Variants in ARIH1 observed in about 807,000 individuals in gnomAD.
The protein encoded by ARIH1 is E3 ubiquitin-protein ligase ARIH1.
A neutral mutation model predicts 85.0 loss-of-function variants in ARIH1; 8 were observed. The ratio of observed to expected loss-of-function variants is 0.09; its 90% CI spans 0.06 to 0.17. ARIH1 has a LOEUF of 0.17. Ranked by LOEUF, ARIH1 falls within the 10% of genes least tolerant of loss-of-function variation. The pLI is 1.00. For synonymous variants in ARIH1, 238 were observed against 253.6 expected (o/e 0.94, Z 0.59); for missense variants, 311 against 718.1 (o/e 0.43, Z 6.48).
At chr15:72,542,321 C>T (rs1215483666) in intron 2 of ARIH1, among the ~76,000 whole-genome samples, 1 of 152,042 alleles carries the variant, frequency 6.6e-6, no homozygotes, top group Non-Finnish European at 1.5e-5. Flanking sequence ...GGTTGAAAGA[C>T]AAGAAAGAAA....
At chr15:72,562,522 T>TC in intron 6 of ARIH1, among the ~76,000 whole-genome samples, 1 of 152,124 alleles carries the variant, frequency 6.6e-6, no homozygotes, top group East Asian at 1.9e-4. Context: ...TGTTTTTTTT[T>TC]CATAATACTA....
At chr15:72,522,632 A>T (rs1213554669) in intron 2 of ARIH1, among the ~76,000 whole-genome samples, 1 of 152,244 alleles carries the variant, frequency 6.6e-6, no homozygotes, top group African/African-American at 2.4e-5. Context: ...GGTATTTAAG[A>T]TAAAATTAGA....
intron 1 of ARIH1, among the ~76,000 whole-genome samples, chr15:72,490,852 T>C (rs914127495): frequency 2.0e-5 from 3 of 152,158 alleles, no homozygotes; most frequent in Non-Finnish European, 4.4e-5. Context: ...AAAGATTTGC[T>C]CACACCTGTA....
At chr15:72,515,032 G>A (rs1206270703) in intron 1 of ARIH1, among the ~76,000 whole-genome samples, 1 of 151,926 alleles carries the variant, frequency 6.6e-6, no homozygotes, top group Non-Finnish European at 1.5e-5. Flanking sequence ...GTTTTAAGGT[G>A]TTCTTTTTTT....
At chr15:72,570,107 G>T in intron 9 of ARIH1, 70 bp from the exon 10 acceptor site, 1 of 1,545,982 alleles carries the variant, frequency 6.5e-7, no homozygotes, top group Non-Finnish European at 8.8e-7. Flanking sequence ...ATCTAGAACT[G>T]GCTTTTCCTT....
chr15:72,482,289 T>C (rs2063819631), intron 1 of ARIH1, among the ~76,000 whole-genome samples: 2 of 152,232 alleles, frequency 1.3e-5, no homozygotes, highest in African/African-American at 4.8e-5. Context: ...TGGATAGATA[T>C]AAAGTCCTGT....
intron 1 of ARIH1, among the ~76,000 whole-genome samples, chr15:72,503,557 C>T (rs957278304): frequency 1.3e-5 from 2 of 152,176 alleles, no homozygotes; most frequent in South Asian, 2.1e-4. Context: ...CATTCTTTCC[C>T]GTAACTAAGC....
chr15:72,572,883 A>C (rs150453060), intron 11 of ARIH1, among the ~76,000 whole-genome samples: 21 of 152,344 alleles, frequency 1.4e-4, no homozygotes, highest in African/African-American at 5.1e-4. Context: ...TCAGGAACTG[A>C]GAAATTCCCT....
intron 6 of ARIH1, among the ~76,000 whole-genome samples, chr15:72,562,892 TC>T (rs1442100080): frequency 6.1e-5 from 4 of 65,880 alleles, no homozygotes; most frequent in Admixed American, 5.1e-4. Context: ...GGATCAGTCA[TC>T]TTTAAAAAAA....
At chr15:72,499,090 C>T (rs2140400768) in intron 1 of ARIH1, among the ~76,000 whole-genome samples, 1 of 148,974 alleles carries the variant, frequency 6.7e-6, no homozygotes, top group Non-Finnish European at 1.5e-5. Context: ...AAGCCATTCT[C>T]CCGCCTCATC....
intron 1 of ARIH1, among the ~76,000 whole-genome samples, chr15:72,505,083 G>A (rs941200457): frequency 6.6e-6 from 1 of 152,172 alleles, no homozygotes; most frequent in Non-Finnish European, 1.5e-5. Context: ...ACTTCCTGTA[G>A]CTTATATCAG....
At chr15:72,579,437 G>GGTATGTA (rs1431039458) in intron 11 of ARIH1, among the ~76,000 whole-genome samples, 2 of 152,154 alleles carry the variant, frequency 1.3e-5, no homozygotes, top group African/African-American at 4.8e-5. Context: ...GGAGTTACAT[G>GGTATGTA]GTATGTAGTT....
rs879917826 is a variant in ARIH1, at chr15:72,579,376, G to A, written c.1216-1355G>A. 5.3e-5 allele frequency among the ~76,000 whole-genome samples: 8 copies of A among 152,216 alleles called. No homozygotes were observed. The East Asian group carries it at 5.8e-4, about 11-fold the overall frequency. On this transcript the variant is annotated intron_variant, in intron 11 of 13. Coordinates refer to ENST00000379887, the MANE Select transcript of ARIH1 (RefSeq NM_005744.5). ...GATCAAATTCAGATTCAGTGGTTGG[G>A]GGGGGAGCCCAGAATACTTAATTGA... is the stretch of plus-strand genomic sequence containing the variant.
chr15:72,519,704 G>A (rs2063991132), intron 2 of ARIH1, among the ~76,000 whole-genome samples: 1 of 151,524 alleles, frequency 6.6e-6, no homozygotes, highest in Admixed American at 6.6e-5. Context: ...GGCTGGTCTC[G>A]AACTCCCAAC....
Position 72,588,040 on chromosome 15 carries a change from A to G in ARIH1, c.*4748A>G, listed in dbSNP as rs780485909. On this transcript the variant is annotated 3_prime_UTR_variant, in exon 14 of 14. Transcript: ENST00000379887. ...CAGTTAAAGTTTGTATATCAGTCAC[A>G]CATTGATATGTAGCAGCTCTATCAA... 1 of 152,236 alleles carries G rather than the reference A, an allele frequency of 6.6e-6. No homozygotes were observed. The highest frequency in any genetic ancestry group is 2.1e-4 in the South Asian group (1 of 4,834). 9.4% of individuals were successfully genotyped at this position (152,236 alleles called of 1,614,324 possible). A position where few individuals can be genotyped will look rare whatever the true frequency, so the allele number is the denominator to read the frequency against.
At chr15:72,541,042 A>G (rs978655927) in intron 2 of ARIH1, among the ~76,000 whole-genome samples, 44 of 152,168 alleles carry the variant, frequency 2.9e-4, no homozygotes, top group Admixed American at 2.1e-3. Context: ...CAGGGGGCCA[A>G]CGCTAGTATG....
intron 1 of ARIH1, among the ~76,000 whole-genome samples, chr15:72,502,650 A>T (rs1415247183): frequency 2.6e-5 from 4 of 152,024 alleles, no homozygotes; most frequent in South Asian, 2.1e-4. Context: ...ACAAAAAAAT[A>T]AAAAAATTAG....
Position 72,588,287 on chromosome 15 carries a change from TCTA to T in ARIH1, c.*4999_*5001del, listed in dbSNP as rs2064326397. On this transcript the variant is annotated 3_prime_UTR_variant, in exon 14 of 14. Coordinates refer to ENST00000379887, the MANE Select transcript of ARIH1 (RefSeq NM_005744.5). ...CATGGGCAGTTTTTTTTTCCCAGCT[TCTA>T]CTAGTCTTGGCTTGCAACAATGCCA... 6.6e-6 allele frequency: 1 copy of T among 152,176 alleles called. No individual in the cohort carries two copies. The highest frequency in any genetic ancestry group is 2.1e-4 in the South Asian group (1 of 4,820). 9.4% of individuals were successfully genotyped at this position (152,176 alleles called of 1,614,324 possible).
Position 72,587,071 on chromosome 15 carries a change from T to C in ARIH1, c.*3779T>C. The C allele has an allele frequency of 2.5e-6, 1 of 405,656 alleles. No homozygotes were observed. 25.1% of individuals were successfully genotyped at this position (405,656 alleles called of 1,614,324 possible). ...TTACTCTTATTTGGATCTGTAATTA[T>C]GGGAGTTTATCACTTTTCCTCTTCA... On this transcript the variant is annotated 3_prime_UTR_variant, in exon 14 of 14. Coordinates refer to ENST00000379887, the MANE Select transcript of ARIH1 (RefSeq NM_005744.5).
Sources: allele counts gnomAD v4.1 joint callset (sites outside exome capture counted in the v4.1 genomes callset), GRCh38; gene constraint gnomAD v4.1.1; transcripts MANE v1.5; gene names NCBI Gene and HGNC (gene_info 2026-07-23, HGNC 2026-07-21).